The following SLC9A3 variants were observed in gnomAD, a reference collection of about 807,000 sequenced individuals.
SLC9A3 encodes the protein solute carrier family 9 member A3.
SLC9A3 carries 37 observed loss-of-function variants against 86.8 expected under a neutral mutation model. That is an observed-to-expected ratio of 0.43 (90% CI 0.33 to 0.56). SLC9A3 has a LOEUF of 0.56. Ranked by LOEUF, SLC9A3 falls within the 20% of genes least tolerant of loss-of-function variation. The pLI, the probability that SLC9A3 is intolerant of heterozygous loss-of-function variation, is 0.06. For missense variants in SLC9A3, 1,011 were observed against 1,171.9 expected (o/e 0.86, Z 2.00); for synonymous variants, 581 against 528.3 (o/e 1.10, Z -1.37).
In SLC9A3 at chr5:477,565, C is replaced by T. The variant is rs114085948; in HGVS notation, c.1648-121G>A. ...CCGGGGAAAGCCTTGAGACCTGAGC[C>T]CCGGGTTCACGCCTCACAGCTGCAG... is the stretch of plus-strand genomic sequence containing the variant. On this transcript the variant is annotated intron_variant, in intron 10 of 16. Coordinates refer to ENST00000264938, the MANE Select transcript of SLC9A3 (RefSeq NM_004174.4). The T allele has an allele frequency of 9.7e-6, 6 of 619,854 alleles. 1 individual carries two copies. The South Asian group carries it at 1.0e-4, about 11-fold the overall frequency. The allele number at this position is 619,854 out of a possible 1,614,324, so 38.4% of individuals were successfully genotyped here.
chr5:485,388 G>A (rs1184037435), intron 3 of SLC9A3, among the ~76,000 whole-genome samples, 157 bp from the exon 4 acceptor site: 1 of 152,250 alleles, frequency 6.6e-6, no homozygotes, highest in African/African-American at 2.4e-5. Flanking sequence ...CCAAAGGGGA[G>A]AAGCCCAGAG....
At chr5:475,222 TGGAAAGTTAGGGTCACCG>T (rs200907923) in intron 15 of SLC9A3, 90 bp from the exon 16 acceptor site, 374,498 of 1,383,548 alleles carry the variant, frequency 0.27, 52,903 homozygotes, top group Non-Finnish European at 0.29. Context: ...CTGGGTGCCT[TGGAAAGTTAGGGTCACCG>T]GGAAGGTTAG....
rs542978115 is a variant in SLC9A3, at chr5:487,815, G to C, written c.675+501C>G. On this transcript the variant is annotated intron_variant, in intron 3 of 16. Coordinates refer to ENST00000264938, the MANE Select transcript of SLC9A3 (RefSeq NM_004174.4). ...CCCCAGTAGCTGGGATTACAGGCGC[G>C]TGCCACCACCCCTGGCTAATTTTTG... Among the ~76,000 whole-genome samples the C allele has an allele frequency of 6.3e-4, 96 of 152,282 alleles. 1 individual carries two copies. Among genetic ancestry groups the C allele is most frequent in the African/African-American group, 2.2e-3 (91 of 41,554 alleles).
intron 3 of SLC9A3, among the ~76,000 whole-genome samples, chr5:486,456 G>A (rs1042187567): frequency 6.6e-6 from 1 of 152,224 alleles, no homozygotes; most frequent in African/African-American, 2.4e-5. Flanking sequence ...TGGGGTTCCT[G>A]AATCTTCTCC....
chr5:479,680 G>C, intron 10 of SLC9A3, 156 bp downstream of exon 10: 2 of 664,392 alleles, frequency 3.0e-6, no homozygotes, highest in Non-Finnish European at 5.2e-6. Context: ...GGGATTCCCA[G>C]GGCATCAGAA....
intron 2 of SLC9A3, among the ~76,000 whole-genome samples, chr5:490,013 A>G (rs1258870553): frequency 6.6e-6 from 1 of 152,112 alleles, no homozygotes; most frequent in African/African-American, 2.4e-5. Flanking sequence ...ACCCTTTCCC[A>G]TGGGGCACGT....
Position 471,849 on chromosome 5 carries a change from C to G in SLC9A3, c.*1530G>C, listed in dbSNP as rs1386351497. The G allele has an allele frequency of 1.5e-5, 7 of 456,500 alleles. No individual in the cohort carries two copies. The East Asian group carries it at 4.8e-4, about 31-fold the overall frequency. 28.3% of individuals were successfully genotyped at this position (456,500 alleles called of 1,614,324 possible). A position where few individuals can be genotyped will look rare whatever the true frequency, so the allele number is the denominator to read the frequency against. Reference sequence around the variant, plus strand: ...CTTTTTCACAACAGTAAAAAGCTATCAATGGGAAATTGTGGACTTTTCCCA... The same window carrying G: ...CTTTTTCACAACAGTAAAAAGCTATGAATGGGAAATTGTGGACTTTTCCCA... On this transcript the variant is annotated 3_prime_UTR_variant, in exon 17 of 17. Coordinates refer to ENST00000264938, the MANE Select transcript of SLC9A3 (RefSeq NM_004174.4).
intron 1 of SLC9A3, 124 bp downstream of exon 1, chr5:523,988 G>A (rs1459415323): frequency 1.4e-5 from 7 of 513,940 alleles, no homozygotes; most frequent in Non-Finnish European, 2.2e-5. Context: ...CCCGAGAGCC[G>A]GACTCTCCCG....
At chr5:516,386 A>G (rs1038298286) in intron 1 of SLC9A3, among the ~76,000 whole-genome samples, 1 of 152,152 alleles carries the variant, frequency 6.6e-6, no homozygotes, top group African/African-American at 2.4e-5. Flanking sequence ...GGCTACCTCG[A>G]TAAGACGGAT....
At position 472,842 on chromosome 5, in the gene SLC9A3, G is replaced by A. The variant is rs957587764; in HGVS notation, c.*537C>T. On this transcript the variant is annotated 3_prime_UTR_variant, in exon 17 of 17. Coordinates refer to ENST00000264938, the MANE Select transcript of SLC9A3 (RefSeq NM_004174.4). ...CCCCGGGCGCGGGGCTCGGTTGGGGGGGCCCGGAACCTTGGGCTGGTTTCA... is the reference window on the plus strand; with the variant it reads ...CCCCGGGCGCGGGGCTCGGTTGGGGAGGCCCGGAACCTTGGGCTGGTTTCA... 30 of 525,738 alleles carry A rather than the reference G, an allele frequency of 5.7e-5. No homozygotes were observed. The African/African-American group carries it at 5.7e-4, about 10-fold the overall frequency. 32.6% of individuals were successfully genotyped at this position (525,738 alleles called of 1,614,324 possible).
chr5:485,253 C>T (rs111270934), intron 3 of SLC9A3, 22 bp from the exon 4 acceptor site: 22 of 1,606,132 alleles, frequency 1.4e-5, no homozygotes, highest in African/African-American at 9.3e-5. Context: ...ACGGGCAGGG[C>T]GTTGGGTGGT....
Position 471,770 on chromosome 5 carries a change from C to T in SLC9A3, c.*1609G>A, listed in dbSNP as rs1161186666. 6.6e-6 allele frequency: 3 copies of T among 456,460 alleles called. No individual in the cohort carries two copies. The highest frequency in any genetic ancestry group is 3.1e-5 in the South Asian group (2 of 64,560). The allele number at this position is 456,460 out of a possible 1,614,324, so 28.3% of individuals were successfully genotyped here. ...AAGTAACAGTGACTGCAGTTAGGGT[C>T]GAGAGCTTCTCCGAAGCAGCGGTCA... On this transcript the variant is annotated 3_prime_UTR_variant, in exon 17 of 17. Coordinates refer to ENST00000264938, the MANE Select transcript of SLC9A3 (RefSeq NM_004174.4).
intron 1 of SLC9A3, among the ~76,000 whole-genome samples, chr5:507,366 A>C (rs1211921126): frequency 5.5e-5 from 2 of 36,160 alleles, no homozygotes; most frequent in Non-Finnish European, 1.2e-4. Flanking sequence ...ACGGGGTTTC[A>C]CCGTTTTTTT....
chr5:494,672 C>A (rs1351421481), intron 1 of SLC9A3, among the ~76,000 whole-genome samples: 4 of 152,184 alleles, frequency 2.6e-5, no homozygotes, highest in Non-Finnish European at 5.9e-5. Context: ...GTTAGGAAGA[C>A]CAGGGTGGTC....
Position 472,816 on chromosome 5 carries a change from TC to T in SLC9A3, c.*562del, listed in dbSNP as rs1156251523. 3.6e-6 allele frequency: 2 copies of T among 556,816 alleles called. No individual in the cohort carries two copies. Among genetic ancestry groups the T allele is most frequent in the Non-Finnish European group, 6.8e-6 (2 of 294,542 alleles). The allele number at this position is 556,816 out of a possible 1,614,324, so 34.5% of individuals were successfully genotyped here. ...GTCCCTGAGTCGGTCCCCGAGTCAG[TC>T]CCCGGGCGCGGGGCTCGGTTGGGGG... On this transcript the variant is annotated 3_prime_UTR_variant, in exon 17 of 17. Transcript: ENST00000264938.
At position 497,273 on chromosome 5, in the gene SLC9A3, C is replaced by T. The variant is rs920908571; in HGVS notation, c.212-5202G>A. Among the ~76,000 whole-genome samples the T allele has an allele frequency of 1.2e-4, 19 of 152,242 alleles. No homozygotes were observed. Among genetic ancestry groups the T allele is most frequent in the Non-Finnish European group, 2.1e-4 (14 of 68,010 alleles). ...CTCAAGTCACACCACTGCTCTGCCT[C>T]GGGCGACACGGTGCACTGGCCGAAT... On this transcript the variant is annotated intron_variant, in intron 1 of 16. Coordinates refer to ENST00000264938, the MANE Select transcript of SLC9A3 (RefSeq NM_004174.4). The surrounding 1 kb of genome is among the most constrained non-coding windows in gnomAD (Gnocchi z 5.4).
chr5:478,397 C>G (rs1579768944), intron 10 of SLC9A3: 1 of 152,436 alleles, frequency 6.6e-6, no homozygotes, highest in Non-Finnish European at 1.5e-5. Flanking sequence ...CACGTGGGGT[C>G]TTCGGAGGGG....
chr5:484,749 G>C, intron 4 of SLC9A3, 52 bp from the exon 5 acceptor site: 1 of 1,574,346 alleles, frequency 6.4e-7, no homozygotes, highest in Non-Finnish European at 8.7e-7. Flanking sequence ...GCCCTTCCTT[G>C]CCAGGGGCCG....
intron 10 of SLC9A3, chr5:478,897 G>A (rs1386760312): frequency 6.5e-6 from 1 of 154,440 alleles, no homozygotes; most frequent in African/African-American, 2.4e-5. Flanking sequence ...AGGCCCCCGT[G>A]CCCTCTGCCA....
Sources: allele counts gnomAD v4.1 joint callset (sites outside exome capture counted in the v4.1 genomes callset), GRCh38; gene constraint gnomAD v4.1.1; non-coding constraint Gnocchi (gnomAD v3.1); transcripts MANE v1.5; gene names NCBI Gene and HGNC (gene_info 2026-07-23, HGNC 2026-07-21).